The following ASB15 variants were observed in gnomAD, a reference collection of about 807,000 sequenced individuals.
ASB15 encodes ankyrin repeat and SOCS box containing 15.
Under a neutral mutation model 58.0 loss-of-function variants are expected in ASB15, and 54 were observed. The ratio of observed to expected loss-of-function variants is 0.93; its 90% CI spans 0.75 to 1.17. The LOEUF is 1.17. Ranked by LOEUF, ASB15 falls within the 50% of genes most tolerant of loss-of-function variation. ASB15 has a pLI of 0.00. For synonymous variants in ASB15, 249 were observed against 262.4 expected (o/e 0.95, Z 0.50); for missense variants, 680 against 707.4 (o/e 0.96, Z 0.44).
At chr7:123,593,517 C>G (rs1799605096) in intron 1 of ASB15, among the ~76,000 whole-genome samples, 1 of 152,138 alleles carries the variant, frequency 6.6e-6, no homozygotes, top group Non-Finnish European at 1.5e-5. Flanking sequence ...TTTTATTTCT[C>G]CTTCACTTAC....
chr7:123,625,274 G>A (rs1273148627), intron 8 of ASB15, among the ~76,000 whole-genome samples: 1 of 152,126 alleles, frequency 6.6e-6, no homozygotes, highest in Non-Finnish European at 1.5e-5. Context: ...CAATCCATCT[G>A]CCATCCTGAT....
Position 123,637,609 on chromosome 7 carries a change from C to G in ASB15, c.*628C>G, listed in dbSNP as rs1471015124. ...TGGACACTCTGTCTCTGGCTTCTTT[C>G]TGCCTAGCTCATCTCTAGCCAATCT... On this transcript the variant is annotated 3_prime_UTR_variant, in exon 12 of 12. Coordinates refer to ENST00000451215, the MANE Select transcript of ASB15 (RefSeq NM_001290258.2). 1.3e-5 allele frequency: 2 copies of G among 152,240 alleles called. No individual in the cohort carries two copies. The highest frequency in any genetic ancestry group is 4.8e-5 in the African/African-American group (2 of 41,418). The allele number at this position is 152,240 out of a possible 1,614,324, so 9.4% of individuals were successfully genotyped here.
chr7:123,602,049 G>A (rs117678855), intron 1 of ASB15, 135 bp downstream of exon 1: 2 of 152,122 alleles, frequency 1.3e-5, no homozygotes, highest in Non-Finnish European at 2.9e-5. Context: ...GATCACCTAC[G>A]GGCTTACCTG....
chr7:123,613,627 T>C (rs542605323), intron 3 of ASB15, among the ~76,000 whole-genome samples: 7 of 152,160 alleles, frequency 4.6e-5, no homozygotes, highest in Admixed American at 3.9e-4. Context: ...AGGGAGTGAA[T>C]GGGGACTCTA....
intron 11 of ASB15, 55 bp downstream of exon 11, chr7:123,630,174 A>T: frequency 1.5e-6 from 2 of 1,312,638 alleles, no homozygotes; most frequent in East Asian, 2.4e-5. Flanking sequence ...ATATGGGGGA[A>T]ATTTCTTAAT....
intron 1 of ASB15, among the ~76,000 whole-genome samples, chr7:123,602,240 T>C (rs916375315): frequency 2.0e-5 from 3 of 152,134 alleles, no homozygotes; most frequent in Non-Finnish European, 4.4e-5. Context: ...TCAGCTCACC[T>C]CTTGGTTTCT....
intron 7 of ASB15, chr7:123,622,715 A>T (rs1384613863): frequency 6.6e-6 from 1 of 152,214 alleles, no homozygotes; most frequent in African/African-American, 2.4e-5. Flanking sequence ...CCATGAGGAC[A>T]CATTTCTCTT....
chr7:123,606,783 T>G (rs1357428593), intron 2 of ASB15, among the ~76,000 whole-genome samples: 1 of 152,214 alleles, frequency 6.6e-6, no homozygotes, highest in Non-Finnish European at 1.5e-5. Flanking sequence ...AATGGCAAGA[T>G]TCTCTTCTTT....
chr7:123,586,915 G>A (rs745488467), intron 1 of ASB15, among the ~76,000 whole-genome samples: 1 of 151,478 alleles, frequency 6.6e-6, no homozygotes, highest in African/African-American at 2.4e-5. Context: ...CTGTTTTTAT[G>A]AAAGTACTAT....
At chr7:123,587,455 A>AG in intron 1 of ASB15, among the ~76,000 whole-genome samples, 1 of 151,336 alleles carries the variant, frequency 6.6e-6, no homozygotes, top group East Asian at 1.9e-4. Context: ...GAAGTCTTTG[A>AG]GGTTTTTTTT....
At chr7:123,623,003 C>T (rs1231651661) in intron 7 of ASB15, 1 of 152,254 alleles carries the variant, frequency 6.6e-6, no homozygotes, top group Non-Finnish European at 1.5e-5. Context: ...TGCGTTCTGC[C>T]TCCTGGTTAC....
intron 7 of ASB15, among the ~76,000 whole-genome samples, chr7:123,620,555 T>TATATATATATA (rs1562933402): frequency 1.6e-4 from 1 of 6,146 alleles, no homozygotes; most frequent in Non-Finnish European, 3.1e-4. Flanking sequence ...TATATATATA[T>TATATATATATA]TTTTTTTTTT....
At chr7:123,599,868 C>T (rs535865825), upstream of ASB15, among the ~76,000 whole-genome samples, 1 of 152,048 alleles carries the variant, frequency 6.6e-6, no homozygotes, top group Non-Finnish European at 1.5e-5. Flanking sequence ...TAAATCTGAC[C>T]CCTCCCTGAA....
chr7:123,631,030 G>A (rs1802089457), intron 11 of ASB15, among the ~76,000 whole-genome samples: 1 of 152,202 alleles, frequency 6.6e-6, no homozygotes, highest in South Asian at 2.1e-4. Context: ...TTGCCTAGGA[G>A]TAGGATTGCT....
intron 3 of ASB15, among the ~76,000 whole-genome samples, 195 bp downstream of exon 3, chr7:123,608,849 C>T (rs1800281991): frequency 6.6e-6 from 1 of 151,054 alleles, no homozygotes; most frequent in Non-Finnish European, 1.5e-5. Flanking sequence ...AAAGTTATAA[C>T]AGAATTGTAT....
upstream of ASB15, among the ~76,000 whole-genome samples, chr7:123,598,063 C>T (rs1412883544): frequency 6.6e-6 from 1 of 151,562 alleles, no homozygotes; most frequent in Non-Finnish European, 1.5e-5. Flanking sequence ...ACCACATGTC[C>T]CACCCATCAT....
At chr7:123,596,990 C>T (rs948033305), upstream of ASB15, among the ~76,000 whole-genome samples, 11 of 152,106 alleles carry the variant, frequency 7.2e-5, no homozygotes, top group African/African-American at 2.4e-4. Context: ...CTTAGCACTA[C>T]TGAGATATGT....
intron 10 of ASB15, among the ~76,000 whole-genome samples, 183 bp from the exon 11 acceptor site, chr7:123,629,783 G>T (rs1020400290): frequency 6.6e-6 from 1 of 152,134 alleles, no homozygotes; most frequent in African/African-American, 2.4e-5. Flanking sequence ...AGAGCCAGGC[G>T]AGTCTTCAGG....
chr7:123,627,300 G>A lies in ASB15; in HGVS notation c.869+19G>A. On this transcript the variant is annotated intron_variant, in intron 9 of 11. Transcript: ENST00000451215. ...ATTATCTGTGAGTGATAAATTATAGGGTAATTATTTGAGTTAAAAATGCTA... is the reference window on the plus strand; with the variant it reads ...ATTATCTGTGAGTGATAAATTATAGAGTAATTATTTGAGTTAAAAATGCTA... The A allele has an allele frequency of 6.3e-7, 1 of 1,587,272 alleles. No individual in the cohort carries two copies. The highest frequency in any genetic ancestry group is 1.7e-5 in the Admixed American group (1 of 59,536).
Sources: gnomAD v4.1 joint callset for allele counts (sites outside exome capture counted in the v4.1 genomes callset) on GRCh38, gnomAD v4.1.1 for gene constraint, MANE v1.5 for transcripts, NCBI Gene and HGNC (gene_info 2026-07-23, HGNC 2026-07-21) for gene names.